Variants in GRIA3 observed in about 807,000 individuals in gnomAD.
The protein encoded by GRIA3 is glutamate receptor 3.
In GRIA3, 3 loss-of-function variants were observed where a neutral mutation model predicts 63.0. The observed-to-expected ratio is 0.05, with a 90% CI of 0.02 to 0.12. The LOEUF (loss-of-function observed/expected upper bound fraction) is 0.12. Among genes scored for constraint, GRIA3 ranks in the 10% least tolerant of loss-of-function variants. The pLI is 1.00. For missense variants in GRIA3, 347 were observed against 700.9 expected, an observed-to-expected ratio of 0.50 and a Z score of 5.70; for synonymous variants, 274 against 257.9, an observed-to-expected ratio of 1.06 and a Z score of -0.60.
At chrX:123,401,699 T>TA (rs1222325223) in intron 7 of GRIA3, among the ~76,000 whole-genome samples, 2 of 111,832 alleles carry the variant, frequency 1.8e-5, no homozygotes, top group African/African-American at 3.2e-5. Context: ...CCTTTCCCTT[T>TA]AAAAAATGTT....
At chrX:123,439,961 A>G (rs1380333351) in intron 12 of GRIA3, among the ~76,000 whole-genome samples, 4 of 111,190 alleles carry the variant, frequency 3.6e-5, no homozygotes, top group African/African-American at 1.3e-4. Context: ...TTCATCCTCA[A>G]GTAGACCCCA....
At chrX:123,190,101 G>A (rs1191179702) in intron 2 of GRIA3, among the ~76,000 whole-genome samples, 7 of 111,313 alleles carry the variant, frequency 6.3e-5, no homozygotes, top group African/African-American at 2.0e-4. Flanking sequence ...TTTTGTCTTG[G>A]TTTGGCTTTG....
chrX:123,253,877 G>C (rs1422731724), intron 3 of GRIA3, among the ~76,000 whole-genome samples: 1 of 111,383 alleles, frequency 9.0e-6, no homozygotes, highest in Non-Finnish European at 1.9e-5. Flanking sequence ...GTAGAGAGAG[G>C]CTTAAATTGG....
At chrX:123,290,092 A>C (rs1244665425) in intron 3 of GRIA3, among the ~76,000 whole-genome samples, 1 of 111,029 alleles carries the variant, frequency 9.0e-6, no homozygotes, top group Non-Finnish European at 1.9e-5. Context: ...AGAGGAAAAA[A>C]ATGGTGAGGA....
chrX:123,255,598 A>G lies in GRIA3; in HGVS notation c.508+2056A>G, dbSNP rs1374739306. 6.7e-5 allele frequency among the ~76,000 whole-genome samples: 7 copies of G among 104,621 alleles called. No homozygotes were observed. In the Admixed American group the frequency reaches 7.6e-4, roughly 11 times the overall value. 90.9% of individuals were successfully genotyped at this position (104,621 alleles called of 115,157 possible). A position where few individuals can be genotyped will look rare whatever the true frequency, so the allele number is the denominator to read the frequency against. On this transcript the variant is annotated intron_variant, in intron 3 of 15. Coordinates refer to ENST00000620443, the MANE Select transcript of GRIA3 (RefSeq NM_007325.5). ...CAATTAATGAATTTTATCCTCATCT[A>G]GTGTGACCCTTCTCTGCTCATTAGC...
intron 3 of GRIA3, among the ~76,000 whole-genome samples, chrX:123,291,176 T>G (rs1173207807): frequency 9.0e-6 from 1 of 111,345 alleles, no homozygotes; most frequent in Non-Finnish European, 1.9e-5. Flanking sequence ...CAGGCTGACC[T>G]GGACAAAGCA....
intron 10 of GRIA3, among the ~76,000 whole-genome samples, chrX:123,416,800 G>C (rs1446335266): frequency 8.9e-6 from 1 of 112,502 alleles, no homozygotes; most frequent in Non-Finnish European, 1.9e-5. Flanking sequence ...CTTTAGTTTA[G>C]AATCTGTTGC....
chrX:123,363,703 T>C (rs1193622342), intron 5 of GRIA3, among the ~76,000 whole-genome samples: 6 of 112,512 alleles, frequency 5.3e-5, no homozygotes, highest in Non-Finnish European at 1.1e-4. Context: ...TGAGCAAACA[T>C]GCACTGATCA....
chrX:123,386,633 T>C (rs1302120449), intron 5 of GRIA3, among the ~76,000 whole-genome samples: 1 of 112,107 alleles, frequency 8.9e-6, no homozygotes, highest in East Asian at 2.8e-4. Flanking sequence ...TTCATTTTTG[T>C]ATATGATGAA....
At chrX:123,455,611 G>A (rs1455651108) in intron 12 of GRIA3, among the ~76,000 whole-genome samples, 1 of 111,781 alleles carries the variant, frequency 8.9e-6, no homozygotes, top group Non-Finnish European at 1.9e-5. Flanking sequence ...GACACTAAGG[G>A]CCTATAGCAG....
Position 123,461,214 on chromosome X carries a change from G to A in GRIA3, c.2077-3651G>A, listed in dbSNP as rs61104356. Among the ~76,000 whole-genome samples, 829 of 111,947 alleles carry A rather than the reference G, an allele frequency of 7.4e-3. 11 individuals carry two copies. Among genetic ancestry groups the A allele is most frequent in the African/African-American group, 0.025 (782 of 30,790 alleles). On this transcript the variant is annotated intron_variant, in intron 12 of 15. Transcript: ENST00000620443. ...ACTTATCTTTAGTCTGTCATGTATA[G>A]AGTAATTTGCTGGCTGCCAAGAGGG...
chrX:123,287,611 T>C (rs938960551), intron 3 of GRIA3, among the ~76,000 whole-genome samples: 4 of 111,666 alleles, frequency 3.6e-5, no homozygotes, highest in South Asian at 7.6e-4. Context: ...AGCATTCCTA[T>C]ACACCAATAA....
At chrX:123,386,772 A>T (rs958312768) in intron 5 of GRIA3, among the ~76,000 whole-genome samples, 3 of 111,318 alleles carry the variant, frequency 2.7e-5, no homozygotes, top group African/African-American at 9.8e-5. Context: ...GGCTGTAAAT[A>T]TGTGGATTTA....
intron 5 of GRIA3, among the ~76,000 whole-genome samples, chrX:123,383,596 G>C (rs751484419): frequency 3.1e-4 from 35 of 111,504 alleles, no homozygotes; most frequent in Non-Finnish European, 5.7e-4. Context: ...CATCCACGTT[G>C]CTGCAAATGA....
chrX:123,210,590 T>C (rs768499530), intron 2 of GRIA3, among the ~76,000 whole-genome samples: 1 of 111,701 alleles, frequency 9.0e-6, no homozygotes, highest in African/African-American at 3.2e-5. Flanking sequence ...GACAGGGTAA[T>C]ATCCAATGTC....
At chrX:123,448,098 A>G (rs1341316998) in intron 12 of GRIA3, among the ~76,000 whole-genome samples, 12 of 112,413 alleles carry the variant, frequency 1.1e-4, no homozygotes, top group Non-Finnish European at 3.8e-5. Flanking sequence ...ATTTTCTTCT[A>G]TCTGCTCTTT....
At chrX:123,257,515 A>C (rs1170488696) in intron 3 of GRIA3, among the ~76,000 whole-genome samples, 2 of 110,521 alleles carry the variant, frequency 1.8e-5, no homozygotes, top group South Asian at 7.9e-4. Context: ...GAGGGAAAGC[A>C]GGCCCAATTC....
At chrX:123,351,358 T>G (rs1248861772) in intron 4 of GRIA3, among the ~76,000 whole-genome samples, 1 of 111,864 alleles carries the variant, frequency 8.9e-6, no homozygotes. Flanking sequence ...AACATGACAC[T>G]TTTTGTGGTG....
chrX:123,292,717 A>G lies in GRIA3; in HGVS notation c.509-33309A>G, dbSNP rs753604857. On this transcript the variant is annotated intron_variant, in intron 3 of 15. Coordinates refer to ENST00000620443, the MANE Select transcript of GRIA3 (RefSeq NM_007325.5). ...ACACTTTGTTTTTAGTAAAGTCAGAATGGAAAAAGACTTTGGGGAAGTCAA... is the reference window on the plus strand; with the variant it reads ...ACACTTTGTTTTTAGTAAAGTCAGAGTGGAAAAAGACTTTGGGGAAGTCAA... 5.1e-4 allele frequency among the ~76,000 whole-genome samples: 57 copies of G among 111,567 alleles called. No individual in the cohort carries two copies. In the Admixed American group the frequency reaches 5.5e-3, roughly 11 times the overall value.
Sources: gnomAD v4.1 joint callset for allele counts (sites outside exome capture counted in the v4.1 genomes callset) on GRCh38, gnomAD v4.1.1 for gene constraint, MANE v1.5 for transcripts, NCBI Gene and HGNC (gene_info 2026-07-23, HGNC 2026-07-21) for gene names.